GCA: variants seen among roughly 807,000 people sequenced by gnomAD.
GCA encodes the protein grancalcin, EF-hand calcium-binding protein.
A neutral mutation model predicts 32.6 loss-of-function variants in GCA; 30 were observed. The observed-to-expected ratio is 0.92, with a 90% confidence interval of 0.69 to 1.25. The LOEUF is 1.25. GCA is among the 50% of genes most tolerant of loss of function. GCA has a pLI of 0.00. For missense variants in GCA, 291 were observed against 266.8 expected (o/e 1.09, Z -0.63); for synonymous variants, 102 against 84.6 (o/e 1.21, Z -1.13).
chr2:162,371,496 A>T, exon 5 of GCA: 1 of 1,244,670 alleles, frequency 8.0e-7, no homozygotes, highest in Non-Finnish European at 1.0e-6. Context: ...TTTCATAACG[A>T]AGTACTGGTT....
chr2:162,359,396 T>C (rs1276818562), intron 6 of GCA, 98 bp from the exon 7 acceptor site: 2 of 617,760 alleles, frequency 3.2e-6, no homozygotes, highest in East Asian at 2.9e-5. Context: ...TAATATTTAA[T>C]TGAATATGAA....
At chr2:162,364,801 T>TA (rs1326122651), downstream of GCA, among the ~76,000 whole-genome samples, 1 of 151,564 alleles carries the variant, frequency 6.6e-6, no homozygotes, top group East Asian at 1.9e-4. Context: ...CATTCTTGCT[T>TA]AAAAAAATGA....
At chr2:162,355,151 G>A (rs1685203850) in intron 3 of GCA, among the ~76,000 whole-genome samples, 1 of 152,084 alleles carries the variant, frequency 6.6e-6, no homozygotes, top group African/African-American at 2.4e-5. Flanking sequence ...GTAAACGTGG[G>A]GAACTGCCTT....
At chr2:162,345,903 T>G (rs1243253565) in intron 1 of GCA, among the ~76,000 whole-genome samples, 1 of 152,210 alleles carries the variant, frequency 6.6e-6, no homozygotes, top group Non-Finnish European at 1.5e-5. Flanking sequence ...TATATTCTTT[T>G]AACAAAATAT....
chr2:162,374,983 TAAA>T (rs1686109813), downstream of GCA, among the ~76,000 whole-genome samples: 2 of 152,208 alleles, frequency 1.3e-5, no homozygotes, highest in Non-Finnish European at 1.5e-5. Context: ...TGCTTCCAAC[TAAA>T]CTAAGCAGAC....
In GCA at chr2:162,361,082, C is replaced by T; in HGVS notation, c.*839C>T. 3 of 943,228 alleles carry T rather than the reference C, an allele frequency of 3.2e-6. No homozygotes were observed. Among genetic ancestry groups the T allele is most frequent in the Middle Eastern group, 3.5e-4 (1 of 2,834 alleles). 58.4% of individuals were successfully genotyped at this position (943,228 alleles called of 1,614,324 possible). ...TTGTTGTTTAAATGTAATGTCAACT[C>T]TTTATAAACTTAAAAATAAACAAGT... On this transcript the variant is annotated 3_prime_UTR_variant, in exon 8 of 8. Transcript: ENST00000437150.
chr2:162,321,689 G>A (rs1683669544), intron 1 of GCA, among the ~76,000 whole-genome samples: 5 of 151,734 alleles, frequency 3.3e-5, no homozygotes. Flanking sequence ...TACATCAGTT[G>A]TAAAATGGAA....
chr2:162,357,810 C>T (rs900938654), intron 5 of GCA, among the ~76,000 whole-genome samples: 4 of 151,472 alleles, frequency 2.6e-5, no homozygotes, highest in Non-Finnish European at 5.9e-5. Context: ...AAAAGAAAAC[C>T]TCCAGAGTTC....
At position 162,323,018 on chromosome 2, in the gene GCA, C is replaced by T. The variant is rs1021023218; in HGVS notation, c.-31+3793C>T. Among the ~76,000 whole-genome samples, 70 of 151,958 alleles carry T rather than the reference C, an allele frequency of 4.6e-4. 1 individual carries two copies. The highest frequency in any genetic ancestry group is 1.6e-3 in the African/African-American group (67 of 41,244). Reference sequence around the variant, plus strand: ...ACAATGGTTGAACTAGTTTACAGTCCCACCAACAGTGCAAAAGTGTTCCTA... The same window carrying T: ...ACAATGGTTGAACTAGTTTACAGTCTCACCAACAGTGCAAAAGTGTTCCTA... On this transcript the variant is annotated intron_variant, in intron 1 of 4. Transcript: ENST00000429691.
intron 1 of GCA, 111 bp downstream of exon 1, chr2:162,344,386 T>A: frequency 9.6e-7 from 1 of 1,045,542 alleles, no homozygotes; most frequent in Non-Finnish European, 1.4e-6. Flanking sequence ...CGTCCGCGCC[T>A]GGTACTCGGC....
At chr2:162,339,555 A>G (rs944246366), upstream of GCA, among the ~76,000 whole-genome samples, 8 of 152,158 alleles carry the variant, frequency 5.3e-5, no homozygotes, top group African/African-American at 1.9e-4. Flanking sequence ...TGCAACCCCA[A>G]CCACCAATGG....
rs185016164 is a variant in GCA at position 162,369,705 on chromosome 2, A to T, written c.366-1601A>T. Reference sequence around the variant, plus strand: ...GGTGAATTCATTCTGAATGTTCCTGAACTTAGGCCGGCAATCCTTATGAAA... The same window carrying T: ...GGTGAATTCATTCTGAATGTTCCTGTACTTAGGCCGGCAATCCTTATGAAA... On this transcript the variant is annotated intron_variant, in intron 4 of 4. Coordinates refer to the GCA transcript ENST00000414723. Among the ~76,000 whole-genome samples the T allele has an allele frequency of 8.5e-5, 13 of 152,202 alleles. No individual in the cohort carries two copies. The East Asian group carries it at 2.5e-3, about 30-fold the overall frequency.
intron 1 of GCA, among the ~76,000 whole-genome samples, chr2:162,324,020 T>A (rs935820139): frequency 3.3e-5 from 5 of 152,182 alleles, no homozygotes; most frequent in Admixed American, 2.0e-4. Context: ...TGTGGCTCGC[T>A]TCTTCAGTGC....
chr2:162,344,568 C>T, intron 1 of GCA: 4 of 494,420 alleles, frequency 8.1e-6, no homozygotes, highest in African/African-American at 1.9e-5. Flanking sequence ...GAACAAGCCA[C>T]CCTCTTCTTG....
chr2:162,359,741 GT>G lies in GCA; in HGVS notation c.627+191del, dbSNP rs1685478849. The stretch of plus-strand genomic sequence containing the variant: ...TAGGTGCCAAACAATTTGACTTCAT[GT>G]TAAATTGTAAATATGCTTTTCAATT... On this transcript the variant is annotated intron_variant, in intron 7 of 7. Coordinates refer to ENST00000437150, the MANE Select transcript of GCA (RefSeq NM_012198.5). 4.0e-5 allele frequency among the ~76,000 whole-genome samples: 6 copies of G among 150,928 alleles called. No homozygotes were observed. The South Asian group carries it at 1.2e-3, about 31-fold the overall frequency.
downstream of GCA, chr2:162,373,621 T>A (rs1686048243): frequency 3.2e-6 from 5 of 1,558,704 alleles, no homozygotes; most frequent in South Asian, 6.0e-5. Flanking sequence ...CTGCAGCAAC[T>A]GTAAGATGGT....
At chr2:162,342,622 G>A (rs919210895), upstream of GCA, among the ~76,000 whole-genome samples, 2 of 152,188 alleles carry the variant, frequency 1.3e-5, no homozygotes, top group African/African-American at 4.8e-5. Flanking sequence ...GCAATTAAAT[G>A]TGCAGAAAGG....
intron 2 of GCA, among the ~76,000 whole-genome samples, chr2:162,349,990 A>G (rs1047785418): frequency 1.3e-5 from 2 of 152,196 alleles, no homozygotes; most frequent in Non-Finnish European, 2.9e-5. Flanking sequence ...CAGAATTAAT[A>G]TACGTGGCAG....
At chr2:162,332,735 G>T (rs1209907693) in intron 1 of GCA, among the ~76,000 whole-genome samples, 2 of 151,464 alleles carry the variant, frequency 1.3e-5, no homozygotes, top group African/African-American at 2.5e-5. Context: ...GGGAAGTTAT[G>T]GAGAACATAA....
Sources: gnomAD v4.1 joint callset for allele counts (sites outside exome capture counted in the v4.1 genomes callset) on GRCh38, gnomAD v4.1.1 for gene constraint, MANE v1.5 for transcripts, NCBI Gene and HGNC (gene_info 2026-07-23, HGNC 2026-07-21) for gene names.